Variants in PORCN observed in about 807,000 individuals in gnomAD.
The protein encoded by PORCN is porcupine O-acyltransferase.
A neutral mutation model predicts 43.0 loss-of-function variants in PORCN; 1 was observed. That is an observed-to-expected ratio of 0.02 (90% CI 0.01 to 0.11). PORCN has a LOEUF of 0.11. Ranked by LOEUF, PORCN falls within the 10% of genes least tolerant of loss-of-function variation. PORCN has a pLI of 1.00. For synonymous variants in PORCN, 148 were observed against 166.4 expected, an observed-to-expected ratio of 0.89 and a Z score of 0.85; for missense variants, 240 against 392.1, an observed-to-expected ratio of 0.61 and a Z score of 3.28.
intron 13 of PORCN, 183 bp downstream of exon 13, chrX:48,516,329 G>A (rs980178872): frequency 3.7e-5 from 18 of 487,277 alleles, no homozygotes; most frequent in Non-Finnish European, 4.4e-5. Flanking sequence ...AGCATCTGCT[G>A]TATACACACC....
chrX:48,512,829 C>G lies in PORCN; in HGVS notation c.687-6C>G. ...TAATGCTTCTTTCTGTCTTCTGTTA[C>G]TACAGCAAGAAACGCAAAGCCAGGT... On this transcript the variant is annotated splice_polypyrimidine_tract_variant and splice_region_variant and intron_variant, in intron 6 of 14. Transcript: ENST00000326194. 8.2e-7 allele frequency: 1 copy of G among 1,212,365 alleles called. No homozygotes were observed. Among genetic ancestry groups the G allele is most frequent in the Non-Finnish European group, 1.1e-6 (1 of 895,625 alleles).
chrX:48,516,819 T>C (rs1259978662), intron 13 of PORCN, among the ~76,000 whole-genome samples: 2 of 110,896 alleles, frequency 1.8e-5, no homozygotes, highest in Non-Finnish European at 3.8e-5. Flanking sequence ...GGATTTGGTT[T>C]TGTTGTGTGT....
chrX:48,515,005 G>A (rs1556974950), intron 10 of PORCN, among the ~76,000 whole-genome samples: 1 of 111,475 alleles, frequency 9.0e-6, no homozygotes, highest in African/African-American at 3.3e-5. Flanking sequence ...CAGATATATG[G>A]GGGAGGATTG....
chrX:48,513,337 G>A (rs1282379618), intron 7 of PORCN, among the ~76,000 whole-genome samples: 1 of 112,293 alleles, frequency 8.9e-6, no homozygotes, highest in Non-Finnish European at 1.9e-5. Context: ...GGGTCTGACT[G>A]TGGCATGTCA....
chrX:48,514,954 A>G (rs1422581165), intron 10 of PORCN, among the ~76,000 whole-genome samples: 2 of 111,836 alleles, frequency 1.8e-5, no homozygotes, highest in Non-Finnish European at 3.8e-5. Flanking sequence ...AGGAGGTGAC[A>G]TTGGAGCAAA....
At chrX:48,513,835 G>T (rs1331194236) in intron 7 of PORCN, among the ~76,000 whole-genome samples, 2 of 112,294 alleles carry the variant, frequency 1.8e-5, no homozygotes, top group Non-Finnish European at 3.8e-5. Flanking sequence ...TTTGTGTCTG[G>T]CTGTTAGAGG....
chrX:48,511,078 G>T (rs1426575949), intron 2 of PORCN, among the ~76,000 whole-genome samples: 2 of 111,650 alleles, frequency 1.8e-5, no homozygotes, highest in Non-Finnish European at 3.8e-5. Flanking sequence ...CCCAACACCT[G>T]CTTTGGGCCC....
chrX:48,516,016 C>G, intron 12 of PORCN, 45 bp from the exon 13 acceptor site: 2 of 1,204,800 alleles, frequency 1.7e-6, no homozygotes, highest in Non-Finnish European at 2.2e-6. Context: ...GAGACAGCCT[C>G]CCCTGAGGCT....
Position 48,517,277 on chromosome X carries a change from A to ACG in PORCN, c.1269_1270insGC (p.Thr424AlafsTer38). The ACG allele has an allele frequency of 8.6e-7, 1 of 1,160,467 alleles. No homozygotes were observed. The highest frequency in any genetic ancestry group is 1.2e-6 in the Non-Finnish European group (1 of 865,620). On this transcript the variant is annotated frameshift_variant, in exon 14 of 15. Transcript: ENST00000326194. LOFTEE classifies it high-confidence loss of function. ...TCCCTGTTTGATGTCGATGTGGATG[A>ACG]CACCACAGAGGAGCAGGTGAGGTGG... is the stretch of plus-strand genomic sequence containing the variant.
intron 10 of PORCN, chrX:48,515,319 G>C: frequency 3.7e-6 from 1 of 271,667 alleles, no homozygotes; most frequent in Non-Finnish European, 6.8e-6. Flanking sequence ...GGATGCAGCA[G>C]TGAGGAGGCC....
intron 2 of PORCN, among the ~76,000 whole-genome samples, chrX:48,510,743 G>GTCTA (rs56109458): frequency 1.8e-5 from 2 of 108,799 alleles, no homozygotes; most frequent in Non-Finnish European, 3.8e-5. Flanking sequence ...GGCTCTATCT[G>GTCTA]TCTATCTATC....
chrX:48,516,038 C>A, intron 12 of PORCN, 23 bp from the exon 13 acceptor site: 1 of 1,209,462 alleles, frequency 8.3e-7, no homozygotes, highest in Non-Finnish European at 1.1e-6. Context: ...ACCTGACCCC[C>A]TTACCTCTCC....
At chrX:48,515,624 A>G in intron 10 of PORCN, 93 bp from the exon 11 acceptor site, 3 of 727,021 alleles carry the variant, frequency 4.1e-6, no homozygotes, top group Non-Finnish European at 6.6e-6. Flanking sequence ...GGGGGCTCCA[A>G]CAGGTTGTGG....
Position 48,515,777 on chromosome X carries a change from C to G in PORCN, c.1007C>G (p.Ala336Gly), listed in dbSNP as rs141810375. The G allele has an allele frequency of 2.1e-5, 25 of 1,206,628 alleles. No homozygotes were observed. The African/African-American group carries it at 3.9e-4, about 19-fold the overall frequency. The change falls in exon 11 of 15, where the codon GCC becomes GGC. Residue 336 changes from alanine (A) to glycine (G), a missense_variant. Transcript: ENST00000326194. ...TCGGCTGTGCTGGTCACCTATGCAGCCAGCGCCCTCCTACATGTGAGCAGG... is the reference window on the plus strand; with the variant it reads ...TCGGCTGTGCTGGTCACCTATGCAGGCAGCGCCCTCCTACATGTGAGCAGG... ...TFSAVLVTYA[A>G]SALLHGFSFH...
intron 12 of PORCN, 53 bp from the exon 13 acceptor site, chrX:48,516,008 G>C (rs2061714242): frequency 8.3e-7 from 1 of 1,198,988 alleles, no homozygotes. Context: ...GGGGGCTGGA[G>C]ACAGCCTCCC....
rs781784729 is a variant in PORCN at position 48,512,312 on chromosome X, G to A, written c.374-14G>A. On this transcript the variant is annotated splice_polypyrimidine_tract_variant and intron_variant, in intron 4 of 14. Coordinates refer to ENST00000326194, the MANE Select transcript of PORCN (RefSeq NM_203475.3). ...CTCTCTGCCCATCCACTTGACCATG[G>A]GCACCACACATAGGGGCACAGATGA... The A allele has an allele frequency of 2.5e-6, 3 of 1,208,809 alleles. No homozygotes were observed. The highest frequency in any genetic ancestry group is 3.4e-6 in the Non-Finnish European group (3 of 894,599).
intron 10 of PORCN, among the ~76,000 whole-genome samples, chrX:48,514,993 C>T (rs73485721): frequency 0.021 from 2,339 of 111,076 alleles, 73 homozygotes; most frequent in African/African-American, 0.072. Context: ...GAGCAGGGAG[C>T]GCAGATATAT....
chrX:48,520,423 G>A lies in PORCN; in HGVS notation c.1333G>A (p.Ala445Thr), dbSNP rs1422327946. The change falls in exon 15 of 15, where the codon GCC (alanine) becomes ACC (threonine). Residue 445 changes from alanine (A) to threonine (T), a missense_variant. Ala to Thr is a moderately conservative substitution (Grantham distance 58). Coordinates refer to ENST00000326194, the MANE Select transcript of PORCN (RefSeq NM_203475.3). ...CCACAAGTGGTCAGAGCTCAGCTGG[G>A]CCAGTCACTGGGTCACTTTTGGATG... ...TVHKWSELSW[A>T]SHWVTFGCWI... 2 of 1,208,342 alleles carry A rather than the reference G, an allele frequency of 1.7e-6. No individual in the cohort carries two copies. The highest frequency in any genetic ancestry group is 2.2e-6 in the Non-Finnish European group (2 of 894,159).
At chrX:48,514,653 G>A (rs1602076325) in intron 10 of PORCN, 28 bp downstream of exon 10, 3 of 1,111,570 alleles carry the variant, frequency 2.7e-6, no homozygotes, top group South Asian at 1.8e-5. Flanking sequence ...CACTCCAGCT[G>A]TGTTGGTAAT....
Sources: allele counts gnomAD v4.1 joint callset (sites outside exome capture counted in the v4.1 genomes callset), GRCh38; gene constraint gnomAD v4.1.1; transcripts MANE v1.5; gene names NCBI Gene and HGNC (gene_info 2026-07-23, HGNC 2026-07-21).